The following ZGRF1 variants were observed in gnomAD, a reference collection of about 807,000 sequenced individuals.
The protein encoded by ZGRF1 is zinc finger GRF-type containing 1, also known as 5'-3' DNA helicase ZGRF1.
Under a neutral mutation model 203.5 loss-of-function variants are expected in ZGRF1, and 196 were observed. The ratio of observed to expected loss-of-function variants is 0.96; its 90% CI spans 0.86 to 1.08. ZGRF1 has a LOEUF of 1.08. ZGRF1 is among the 50% of genes least tolerant of loss of function. ZGRF1 has a pLI of 0.00. For missense variants in ZGRF1, 2,326 were observed against 2,416.3 expected (o/e 0.96, Z 0.78); for synonymous variants, 809 against 841.3 (o/e 0.96, Z 0.66).
At position 112,579,952 on chromosome 4, in the gene ZGRF1, C is replaced by T. The variant is rs1306478838; in HGVS notation, c.4438+1711G>A. The stretch of plus-strand genomic sequence containing the variant: ...AAGTTCACATGGAACCAAAAAAGAG[C>T]CCACATTGCTAAGTCGATCCTAAGC... On this transcript the variant is annotated intron_variant, in intron 16 of 27. Transcript: ENST00000505019. Among the ~76,000 whole-genome samples, 5 of 122,672 alleles carry T rather than the reference C, an allele frequency of 4.1e-5. 1 individual carries two copies. Among genetic ancestry groups the T allele is most frequent in the Non-Finnish European group, 5.5e-5 (3 of 54,986 alleles). The allele number at this position is 122,672 out of a possible 152,430, so 80.5% of individuals were successfully genotyped here.
chr4:112,574,272 G>A (rs892072852), intron 16 of ZGRF1, among the ~76,000 whole-genome samples: 2 of 152,002 alleles, frequency 1.3e-5, no homozygotes, highest in Non-Finnish European at 2.9e-5. Flanking sequence ...TTATACAACA[G>A]TCAAAACAAA....
chr4:112,620,706 T>TA (rs1455355878), intron 4 of ZGRF1, among the ~76,000 whole-genome samples: 1 of 151,844 alleles, frequency 6.6e-6, no homozygotes, highest in African/African-American at 2.4e-5. Context: ...AAAAAACTTT[T>TA]AAAAAAATTA....
intron 10 of ZGRF1, among the ~76,000 whole-genome samples, chr4:112,601,600 T>C (rs1468341656): frequency 2.7e-5 from 4 of 150,120 alleles, no homozygotes; most frequent in Non-Finnish European, 5.9e-5. Context: ...TAGCTGGGCA[T>C]AGTGGTGGGC....
At chr4:112,566,493 T>C (rs1286052011) in intron 16 of ZGRF1, among the ~76,000 whole-genome samples, 3 of 151,246 alleles carry the variant, frequency 2.0e-5, no homozygotes, top group African/African-American at 7.3e-5. Context: ...AGTATAATAA[T>C]AATAAAATAA....
chr4:112,619,806 A>G, intron 5 of ZGRF1, 116 bp from the exon 6 acceptor site: 2 of 979,996 alleles, frequency 2.0e-6, no homozygotes, highest in Non-Finnish European at 2.9e-6. Context: ...AGGTAAAGTA[A>G]TAATTCAGAT....
intron 7 of ZGRF1, among the ~76,000 whole-genome samples, chr4:112,609,730 G>A (rs1751301879): frequency 6.6e-6 from 1 of 151,118 alleles, no homozygotes; most frequent in South Asian, 2.1e-4. Context: ...CCCGGGAGGA[G>A]GAGGTTGCAG....
Position 112,585,697 on chromosome 4 carries a change from T to C in ZGRF1, c.3945A>G (p.Leu1315=), listed in dbSNP as rs1747056487. The change falls in exon 14 of 28, where the codon TTA becomes TTG. Residue 1315 remains leucine, a synonymous_variant. Transcript: ENST00000505019. ...IEHLNILLFG[L]AQNLQKALSK... ...AAAGAGCTTTCTGCAGGTTTTGTGC[T>C]AACCCAAACAGCAATATATTTAGAT... 6.4e-7 allele frequency: 1 copy of C among 1,554,234 alleles called. No homozygotes were observed. Among genetic ancestry groups the C allele is most frequent in the Non-Finnish European group, 8.7e-7 (1 of 1,153,102 alleles).
chr4:112,563,295 A>G, intron 16 of ZGRF1, 21 bp from the exon 17 acceptor site: 1 of 1,536,216 alleles, frequency 6.5e-7, no homozygotes, highest in Non-Finnish European at 8.8e-7. Flanking sequence ...AAACATTTTT[A>G]AATATTACAC....
intron 22 of ZGRF1, among the ~76,000 whole-genome samples, chr4:112,553,505 C>T (rs1475988909): frequency 1.3e-5 from 2 of 152,230 alleles, no homozygotes; most frequent in Non-Finnish European, 2.9e-5. Context: ...TAGAATACAA[C>T]TAATTTCATT....
Position 112,540,036 on chromosome 4 carries a change from T to C in ZGRF1, c.5999A>G (p.Glu2000Gly), listed in dbSNP as rs1471961150. 1 of 1,611,384 alleles carries C rather than the reference T, an allele frequency of 6.2e-7. No individual in the cohort carries two copies. Among genetic ancestry groups the C allele is most frequent in the South Asian group, 1.1e-5 (1 of 90,826 alleles). ...VSTVDAFQGA[E>G]KEIIILSCVR... The stretch of plus-strand genomic sequence containing the variant: ...ACAGGACAGAATAATGATCTCCTTT[T>C]CAGCTCCCTGAAAAGCATCTACTGT... Residue 2000 changes from glutamate to glycine, a missense_variant, in exon 27 of 28, where the codon GAA (glutamate) becomes GGA (glycine). Physicochemically the swap from Glu to Gly is moderately conservative, Grantham distance 98 (BLOSUM62 -2). Coordinates refer to ENST00000505019, the MANE Select transcript of ZGRF1 (RefSeq NM_018392.5).
chr4:112,556,214 C>A (rs112807594), intron 20 of ZGRF1, among the ~76,000 whole-genome samples: 7 of 151,978 alleles, frequency 4.6e-5, no homozygotes, highest in Non-Finnish European at 1.5e-5. Context: ...TTATTCTAGA[C>A]TTAGGATTAT....
chr4:112,596,594 T>C (rs528689861), intron 10 of ZGRF1, among the ~76,000 whole-genome samples: 57 of 143,912 alleles, frequency 4.0e-4, no homozygotes, highest in South Asian at 3.7e-3. Context: ...AATATCAGGA[T>C]TTTTTTTTTT....
In ZGRF1 at chr4:112,623,833, AAC is replaced by A. The variant is rs759335081; in HGVS notation, c.144_145del (p.Phe49SerfsTer2). 12 of 1,582,182 alleles carry A rather than the reference AAC, an allele frequency of 7.6e-6. No homozygotes were observed. The South Asian group carries it at 1.2e-4, about 16-fold the overall frequency. On this transcript the variant is annotated frameshift_variant, in exon 4 of 28. Coordinates refer to ENST00000505019, the MANE Select transcript of ZGRF1 (RefSeq NM_018392.5). LOFTEE classifies it high-confidence loss of function. ...CTAAAATACCTCAAGGCATTTAAGA[AAC>A]AGACTCTCCAAACATGCTCCTTTGT...
intron 24 of ZGRF1, among the ~76,000 whole-genome samples, chr4:112,542,753 C>G (rs2148812715): frequency 6.6e-6 from 1 of 151,688 alleles, no homozygotes; most frequent in South Asian, 2.1e-4. Flanking sequence ...CTATTTTTTT[C>G]TTTTCTTTCC....
At chr4:112,598,880 A>G (rs183598508) in intron 10 of ZGRF1, among the ~76,000 whole-genome samples, 84 of 152,106 alleles carry the variant, frequency 5.5e-4, no homozygotes, top group African/African-American at 1.9e-3. Context: ...GTAAAACCCT[A>G]TCTCTATAAA....
rs76854036 is a variant in ZGRF1 at position 112,608,284 on chromosome 4, T to C, written c.2718+1095A>G. Reference sequence around the variant, plus strand: ...TCTAAGCGAAAAAATAATGATAGTGTTTATCTGTAGTTTATACTCTGTGAT... The same window carrying C: ...TCTAAGCGAAAAAATAATGATAGTGCTTATCTGTAGTTTATACTCTGTGAT... On this transcript the variant is annotated intron_variant, in intron 8 of 27. Coordinates refer to ENST00000505019, the MANE Select transcript of ZGRF1 (RefSeq NM_018392.5). Among the ~76,000 whole-genome samples the C allele has an allele frequency of 1.9e-3, 283 of 152,292 alleles. 2 individuals carry two copies. Among genetic ancestry groups the C allele is most frequent in the African/African-American group, 6.5e-3 (270 of 41,552 alleles).
At chr4:112,612,981 G>C (rs1263520558) in intron 6 of ZGRF1, among the ~76,000 whole-genome samples, 3 of 152,112 alleles carry the variant, frequency 2.0e-5, no homozygotes, top group Non-Finnish European at 4.4e-5. Context: ...CCAGTATACT[G>C]TTGCTATGTA....
rs2046988363 is a variant in ZGRF1 at position 112,619,283 on chromosome 4, T to G, written c.759A>C (p.Ala253=). 6.2e-7 allele frequency: 1 copy of G among 1,613,324 alleles called. No homozygotes were observed. The highest frequency in any genetic ancestry group is 1.1e-5 in the South Asian group (1 of 91,002). Residue 253 remains alanine, a synonymous_variant, in exon 6 of 28, where the codon GCA becomes GCC. Coordinates refer to ENST00000505019, the MANE Select transcript of ZGRF1 (RefSeq NM_018392.5). ...CGGACTTCAGAAGAGCTAATATCTG[T>G]GCTTTGCTTCTGATGTTTTGTGAAA... ...SGVSQNIRSK[A]QILALLKSES...
chr4:112,548,477 G>C, intron 22 of ZGRF1, 97 bp from the exon 23 acceptor site: 1 of 891,706 alleles, frequency 1.1e-6, no homozygotes. Flanking sequence ...TAGAGAGTGA[G>C]CTAGTCCTAA....
Sources: allele counts gnomAD v4.1 joint callset (sites outside exome capture counted in the v4.1 genomes callset), GRCh38; gene constraint gnomAD v4.1.1; transcripts MANE v1.5; gene names NCBI Gene and HGNC (gene_info 2026-07-23, HGNC 2026-07-21).